Variants in NAV1 observed in about 807,000 individuals in gnomAD.
NAV1 encodes neuron navigator 1.
In NAV1, 18 loss-of-function variants were observed where a neutral mutation model predicts 175.2. That is an observed-to-expected ratio of 0.10 (90% CI 0.07 to 0.15). The LOEUF is 0.15. NAV1 is among the 10% of genes least tolerant of loss of function. NAV1 has a pLI of 1.00. For synonymous variants in NAV1, 897 were observed against 978.7 expected, an observed-to-expected ratio of 0.92 and a Z score of 1.56; for missense variants, 1,731 against 2,436.6, an observed-to-expected ratio of 0.71 and a Z score of 6.10.
intron 1 of NAV1, among the ~76,000 whole-genome samples, chr1:201,662,567 G>A (rs373457565): frequency 5.9e-5 from 9 of 152,282 alleles, no homozygotes; most frequent in Middle Eastern, 3.4e-3. Context: ...CTGGCTGTCC[G>A]TAGCCCTCTT....
chr1:201,702,118 G>A (rs576111038), intron 1 of NAV1, among the ~76,000 whole-genome samples: 7 of 152,216 alleles, frequency 4.6e-5, no homozygotes, highest in Admixed American at 1.3e-4. Context: ...AGTGGAAGAA[G>A]CCAGATGCAA....
At chr1:201,714,191 G>GT (rs535621102) in intron 2 of NAV1, among the ~76,000 whole-genome samples, 31 of 152,308 alleles carry the variant, frequency 2.0e-4, no homozygotes, top group Non-Finnish European at 3.5e-4. Flanking sequence ...GATTACAGGC[G>GT]TGAGCCACCG....
chr1:201,561,505 G>A (rs1427609885), intron 1 of NAV1, among the ~76,000 whole-genome samples: 1 of 152,214 alleles, frequency 6.6e-6, no homozygotes, highest in Non-Finnish European at 1.5e-5. Context: ...TGAGGTAATT[G>A]TGAGAATTAA....
chr1:201,814,860 A>C (rs939125419), intron 28 of NAV1, among the ~76,000 whole-genome samples: 28 of 152,078 alleles, frequency 1.8e-4, no homozygotes, highest in African/African-American at 6.5e-4. Context: ...TAACACAGTG[A>C]AACCCCGTCT....
intron 3 of NAV1, among the ~76,000 whole-genome samples, chr1:201,729,094 G>A (rs1192429465): frequency 6.6e-6 from 1 of 152,182 alleles, no homozygotes; most frequent in African/African-American, 2.4e-5. Flanking sequence ...CTGCCCACCT[G>A]TCTACCTGTC....
At position 201,648,822 on chromosome 1, in the gene NAV1, G is replaced by T. The variant is rs1413334220; in HGVS notation, c.154G>T (p.Gly52Cys). Residue 52 changes from glycine (G) to cysteine (C), a missense_variant, in exon 1 of 30, where the codon GGC becomes TGC. Physicochemically the swap from Gly to Cys is radical, Grantham distance 159. Around this residue, in one of 13 missense-constraint regions of NAV1, gnomAD observed 487 missense variants for 581.3 expected, o/e 0.84. Coordinates refer to ENST00000367296, the Ensembl canonical transcript of NAV1. ...GCCCAAGCGCGCCAAGGCGCCCGGC[G>T]GCGGCGGCGGCATGGCCAAGGCCAG... The T allele has an allele frequency of 2.5e-6, 4 of 1,589,608 alleles. No homozygotes were observed. The South Asian group carries it at 4.5e-5, about 18-fold the overall frequency.
chr1:201,581,901 C>T (rs139778982), intron 1 of NAV1, among the ~76,000 whole-genome samples: 9,993 of 152,140 alleles, frequency 0.066, 550 homozygotes, highest in East Asian at 0.23. Context: ...GAAACACCAT[C>T]CTGGCTAACA....
intron 1 of NAV1, among the ~76,000 whole-genome samples, chr1:201,709,511 G>A (rs576882035): frequency 3.5e-4 from 54 of 152,288 alleles, no homozygotes; most frequent in Non-Finnish European, 7.8e-4. Flanking sequence ...AAGTCCTCTT[G>A]GCCTGAAGCT....
intron 3 of NAV1, among the ~76,000 whole-genome samples, chr1:201,727,271 G>A (rs1031366140): frequency 1.3e-5 from 2 of 151,948 alleles, no homozygotes; most frequent in African/African-American, 2.4e-5. Flanking sequence ...TACATTCTTT[G>A]ACAAAGAATG....
At chr1:201,726,832 C>T (rs935917975) in intron 3 of NAV1, among the ~76,000 whole-genome samples, 1 of 152,124 alleles carries the variant, frequency 6.6e-6, no homozygotes, top group East Asian at 1.9e-4. Context: ...CTTCACAACA[C>T]GGTCTTGATA....
At chr1:201,586,701 A>C (rs975299468) in intron 1 of NAV1, among the ~76,000 whole-genome samples, 6 of 152,010 alleles carry the variant, frequency 3.9e-5, no homozygotes, top group African/African-American at 9.7e-5. Context: ...GGGGAGAGAG[A>C]GAGATCTTTG....
chr1:201,622,843 C>T (rs1263995030), upstream of NAV1: 1 of 985,776 alleles, frequency 1.0e-6, no homozygotes, highest in African/African-American at 1.7e-5. Context: ...TTTGCCCTCT[C>T]TCCCTGCAGG....
intron 1 of NAV1, among the ~76,000 whole-genome samples, chr1:201,678,202 A>G (rs752052747): frequency 6.6e-6 from 1 of 152,244 alleles, no homozygotes; most frequent in Non-Finnish European, 1.5e-5. Flanking sequence ...GAGCTACGTT[A>G]TGAACTGACT....
intron 1 of NAV1, among the ~76,000 whole-genome samples, chr1:201,651,783 G>A (rs1192467933): frequency 6.6e-6 from 1 of 152,140 alleles, no homozygotes; most frequent in Non-Finnish European, 1.5e-5. Flanking sequence ...GGGCTGAGGG[G>A]CTTAGCTCTC....
rs1673302959 is a variant in NAV1 at position 201,740,007 on chromosome 1, C to G, written c.1226+21252C>G. 1 of 1,470,266 alleles carries G rather than the reference C, an allele frequency of 6.8e-7. No individual in the cohort carries two copies. The highest frequency in any genetic ancestry group is 9.0e-7 in the Non-Finnish European group (1 of 1,108,418). 91.1% of individuals were successfully genotyped at this position (1,470,266 alleles called of 1,614,324 possible). A position where few individuals can be genotyped will look rare whatever the true frequency, so the allele number is the denominator to read the frequency against. ...GCTGGGTGCCCACCCGGTGAATGGCCGCCTGAGCCGGGGAAGATGCTTCAT... is the reference window on the plus strand; with the variant it reads ...GCTGGGTGCCCACCCGGTGAATGGCGGCCTGAGCCGGGGAAGATGCTTCAT... On this transcript the variant is annotated intron_variant, in intron 3 of 29. Coordinates refer to ENST00000367296, the Ensembl canonical transcript of NAV1. This position sits in a 1 kb window ranked among gnomAD's most constrained non-coding sequence, Gnocchi z 4.7.
chr1:201,585,092 C>G (rs534156199), intron 1 of NAV1, among the ~76,000 whole-genome samples: 16 of 150,870 alleles, frequency 1.1e-4, no homozygotes, highest in African/African-American at 3.9e-4. Flanking sequence ...TTCGCAGGGG[C>G]CTGATCTTCT....
chr1:201,817,018 C>T (rs1243246279), intron 28 of NAV1, 70 bp from the exon 33 acceptor site: 1 of 1,455,106 alleles, frequency 6.9e-7, no homozygotes, highest in African/African-American at 1.4e-5. Context: ...TAGGAACTAC[C>T]AAAAGACTGC....
intron 1 of NAV1, among the ~76,000 whole-genome samples, chr1:201,624,444 C>T (rs1002670073): frequency 4.7e-5 from 7 of 148,814 alleles, no homozygotes; most frequent in African/African-American, 1.2e-4. Flanking sequence ...CCCAGGTTCA[C>T]GCCATTCTCC....
chr1:201,663,700 G>C (rs963965508), intron 1 of NAV1, among the ~76,000 whole-genome samples: 4 of 152,228 alleles, frequency 2.6e-5, no homozygotes, highest in Non-Finnish European at 5.9e-5. Flanking sequence ...GGGAACAGGT[G>C]GATGGGCTTG....
Sources: gnomAD v4.1 joint callset for allele counts (sites outside exome capture counted in the v4.1 genomes callset) on GRCh38, gnomAD v4.1.1 for gene constraint, gnomAD v4.1.1 regional missense constraint, Gnocchi (gnomAD v3.1) non-coding constraint, MANE v1.5 for transcripts, NCBI Gene and HGNC (gene_info 2026-07-23, HGNC 2026-07-21) for gene names.